Variants in EFL1 observed in about 807,000 individuals in gnomAD.
EFL1 encodes the protein elongation factor-like GTPase 1.
Under a neutral mutation model 126.7 loss-of-function variants are expected in EFL1, and 76 were observed. That is an observed-to-expected ratio of 0.60 (90% confidence interval 0.50 to 0.73). The LOEUF is 0.73. Ranked by LOEUF, EFL1 falls within the 30% of genes least tolerant of loss-of-function variation. The probability of loss-of-function intolerance (pLI) is 0.00; values close to 1 mark genes in which losing one functional copy is unlikely to be tolerated. For missense variants in EFL1, 1,128 were observed against 1,343.2 expected, an observed-to-expected ratio of 0.84 and a Z score of 2.50; for synonymous variants, 410 against 448.4, an observed-to-expected ratio of 0.91 and a Z score of 1.08.
intron 15 of EFL1, among the ~76,000 whole-genome samples, chr15:82,180,565 G>A (rs1052249519): frequency 6.6e-6 from 1 of 151,940 alleles, no homozygotes; most frequent in African/African-American, 2.4e-5. Context: ...ATCTGAATGT[G>A]ACAACAAATT....
intron 15 of EFL1, among the ~76,000 whole-genome samples, chr15:82,197,978 G>A (rs576745248): frequency 6.6e-6 from 1 of 152,232 alleles, no homozygotes; most frequent in East Asian, 1.9e-4. Flanking sequence ...GAGAAGTCCT[G>A]GGTTGTGTTA....
intron 15 of EFL1, among the ~76,000 whole-genome samples, chr15:82,201,833 C>T (rs564448124): frequency 6.7e-6 from 1 of 149,714 alleles, no homozygotes; most frequent in African/African-American, 2.5e-5. Flanking sequence ...TTTCCTTCTC[C>T]ACTTTGTCTG....
At chr15:82,148,270 C>T (rs539879998) in intron 18 of EFL1, among the ~76,000 whole-genome samples, 2 of 150,428 alleles carry the variant, frequency 1.3e-5, no homozygotes, top group South Asian at 2.1e-4. Context: ...CCCAGCTATT[C>T]GGAAGGCTGA....
chr15:82,213,191 T>C (rs116890903), intron 15 of EFL1, among the ~76,000 whole-genome samples: 2,733 of 152,352 alleles, frequency 0.018, 29 homozygotes, highest in Non-Finnish European at 0.026. Flanking sequence ...CCCGAAGTGG[T>C]TGGTTGTCCA....
In EFL1 at chr15:82,252,056, T is replaced by A. The variant is rs879861144; in HGVS notation, c.244+635A>T. 3.9e-5 allele frequency among the ~76,000 whole-genome samples: 6 copies of A among 152,342 alleles called. No individual in the cohort carries two copies. The East Asian group carries it at 1.2e-3, about 29-fold the overall frequency. On this transcript the variant is annotated intron_variant, in intron 4 of 19. Transcript: ENST00000268206. The stretch of plus-strand genomic sequence containing the variant: ...TACTCTGCAATTTGTTTTCTGTCTC[T>A]GAACATACCATTTTCCCCTGTACAA...
At chr15:82,149,743 G>A (rs2073887849) in intron 18 of EFL1, among the ~76,000 whole-genome samples, 1 of 152,174 alleles carries the variant, frequency 6.6e-6, no homozygotes, top group Admixed American at 6.6e-5. Flanking sequence ...AAGAGTTGTT[G>A]CATGGAAGAG....
At chr15:82,237,414 A>C (rs927311499) in intron 7 of EFL1, among the ~76,000 whole-genome samples, 22 of 152,246 alleles carry the variant, frequency 1.4e-4, no homozygotes, top group Non-Finnish European at 2.8e-4. Flanking sequence ...AAGATGTTCA[A>C]GGTAAACCAG....
chr15:82,229,050 C>T lies in EFL1; in HGVS notation c.916G>A (p.Asp306Asn), dbSNP rs758800557. The T allele has an allele frequency of 2.5e-6, 4 of 1,612,020 alleles. No individual in the cohort carries two copies. In the East Asian group the frequency reaches 6.7e-5, roughly 27 times the overall value. Reference protein sequence around the residue: ...LILENIWSLYDAVLKKDKDKI... With the variant: ...LILENIWSLYNAVLKKDKDKI... ...GAGTCTTACTTTTTCAAAACAGCAT[C>T]ATACAAACTCCATATATTTTCCAGG... Residue 306 changes from aspartate to asparagine, a missense_variant, in exon 9 of 20, where the codon GAT becomes AAT. By Grantham distance (23) the Asp-to-Asn change is conservative. Around this residue, in one of 6 missense-constraint regions of EFL1, gnomAD observed 316 missense variants for 318.5 expected, o/e 0.99. Transcript: ENST00000268206.
At chr15:82,228,475 A>G (rs1265611253) in intron 9 of EFL1, 148 bp from the exon 10 acceptor site, 1 of 999,260 alleles carries the variant, frequency 1.0e-6, no homozygotes, top group Non-Finnish European at 1.4e-6. Context: ...CTGCCGCCAC[A>G]CAAGGGGCCT....
At chr15:82,192,626 C>A (rs948113049) in intron 15 of EFL1, among the ~76,000 whole-genome samples, 1 of 152,058 alleles carries the variant, frequency 6.6e-6, no homozygotes, top group Non-Finnish European at 1.5e-5. Flanking sequence ...TTGGGTTTCA[C>A]AACACCATGA....
intron 1 of EFL1, 39 bp downstream of exon 1, chr15:82,262,575 C>G (rs779927174): frequency 1.3e-3 from 419 of 321,976 alleles, no homozygotes; most frequent in Non-Finnish European, 1.9e-3. Context: ...CAAAGGCTGG[C>G]CTAGGAGGTT....
intron 18 of EFL1, among the ~76,000 whole-genome samples, chr15:82,145,032 G>A (rs1294323389): frequency 1.3e-5 from 2 of 151,312 alleles, no homozygotes; most frequent in African/African-American, 2.4e-5. Context: ...GGCCAGGCAC[G>A]GTGGCTCACG....
intron 18 of EFL1, among the ~76,000 whole-genome samples, chr15:82,148,427 A>G (rs1028307058): frequency 6.6e-6 from 1 of 151,604 alleles, no homozygotes; most frequent in Non-Finnish European, 1.5e-5. Flanking sequence ...GGGATTTTGG[A>G]TTTTCAGATT....
Position 82,230,975 on chromosome 15 carries a change from A to C in EFL1, c.732-4T>G, listed in dbSNP as rs779665754. 6.8e-6 allele frequency: 11 copies of C among 1,609,460 alleles called. No individual in the cohort carries two copies. The highest frequency in any genetic ancestry group is 8.5e-6 in the Non-Finnish European group (10 of 1,178,414). On this transcript the variant is annotated splice_polypyrimidine_tract_variant and splice_region_variant and intron_variant, in intron 7 of 19. Transcript: ENST00000268206. ...GATTCTGGCGAAGTGCTCAATTCTG[A>C]AAGAAGACCAAATGTTCATGTTATT...
At chr15:82,193,437 C>T (rs8040160) in intron 15 of EFL1, among the ~76,000 whole-genome samples, 20,052 of 150,272 alleles carry the variant, frequency 0.13, 1,248 homozygotes, top group African/African-American at 0.31. Context: ...AGATAAGCAA[C>T]CCCTATACTT....
intron 15 of EFL1, among the ~76,000 whole-genome samples, chr15:82,184,704 T>TC (rs2074285822): frequency 6.6e-6 from 1 of 152,142 alleles, no homozygotes; most frequent in Non-Finnish European, 1.5e-5. Flanking sequence ...ATTTTGGGAA[T>TC]TTTCCCCCCA....
intron 15 of EFL1, among the ~76,000 whole-genome samples, chr15:82,180,289 T>C (rs541684041): frequency 1.2e-4 from 18 of 151,504 alleles, no homozygotes; most frequent in African/African-American, 2.7e-4. Context: ...CCACAGATAT[T>C]TGTTGAATGA....
chr15:82,194,945 T>G (rs78965484), intron 15 of EFL1, among the ~76,000 whole-genome samples: 46 of 152,340 alleles, frequency 3.0e-4, no homozygotes, highest in African/African-American at 9.6e-4. Context: ...TCTGCTATAT[T>G]TTAAAATAAA....
At chr15:82,160,885 C>G (rs1338229461) in intron 16 of EFL1, among the ~76,000 whole-genome samples, 2 of 152,148 alleles carry the variant, frequency 1.3e-5, no homozygotes, top group Admixed American at 1.3e-4. Context: ...TCCTAATAAA[C>G]AGGGCTTTTG....
Sources: allele counts gnomAD v4.1 joint callset (sites outside exome capture counted in the v4.1 genomes callset), GRCh38; gene constraint gnomAD v4.1.1; regional missense constraint gnomAD v4.1.1; transcripts MANE v1.5; gene names NCBI Gene and HGNC (gene_info 2026-07-23, HGNC 2026-07-21).